AKAP6: variants seen among roughly 807,000 people sequenced by gnomAD.
AKAP6 encodes the protein A-kinase anchor protein 6.
A neutral mutation model predicts 188.5 loss-of-function variants in AKAP6; 58 were observed. That is an observed-to-expected ratio of 0.31 (90% CI 0.25 to 0.38). The LOEUF (loss-of-function observed/expected upper bound fraction) is 0.38, where lower values mean the gene tolerates loss of function less well. Among genes scored for constraint, AKAP6 ranks in the 10% least tolerant of loss-of-function variants. The pLI is 1.00. For synonymous variants in AKAP6, 989 were observed against 998.6 expected (o/e 0.99, Z 0.18); for missense variants, 2,710 against 2,740.0 (o/e 0.99, Z 0.24).
chr14:32,471,955 A>G (rs146590997), intron 2 of AKAP6, among the ~76,000 whole-genome samples: 48 of 152,362 alleles, frequency 3.2e-4, no homozygotes, highest in Admixed American at 1.6e-3. Context: ...TTCAGACTTC[A>G]GCACACAGAA....
At chr14:32,700,351 C>A (rs914525597) in intron 9 of AKAP6, among the ~76,000 whole-genome samples, 1 of 152,052 alleles carries the variant, frequency 6.6e-6, no homozygotes, top group Non-Finnish European at 1.5e-5. Flanking sequence ...TTTCAAGGGC[C>A]AAATTCAGAA....
intron 2 of AKAP6, among the ~76,000 whole-genome samples, chr14:32,505,533 A>T (rs1880827448): frequency 6.6e-6 from 1 of 152,190 alleles, no homozygotes; most frequent in Non-Finnish European, 1.5e-5. Context: ...TTAAACAAAG[A>T]CAGAAATAAG....
chr14:32,777,959 A>T (rs1323481644), intron 12 of AKAP6, among the ~76,000 whole-genome samples: 2 of 152,156 alleles, frequency 1.3e-5, no homozygotes, highest in Non-Finnish European at 2.9e-5. Context: ...GGATCACTTG[A>T]GCCTGGGAGG....
chr14:32,456,896 A>C (rs1203316142), intron 2 of AKAP6, among the ~76,000 whole-genome samples: 1 of 152,234 alleles, frequency 6.6e-6, no homozygotes, highest in Non-Finnish European at 1.5e-5. Flanking sequence ...AAAATCAATG[A>C]TCTTCAACTT....
At chr14:32,738,700 A>G (rs2143980) in intron 11 of AKAP6, among the ~76,000 whole-genome samples, 71,926 of 151,926 alleles carry the variant, frequency 0.47, 17,864 homozygotes, top group East Asian at 0.63. Flanking sequence ...GATTGTCTTT[A>G]AGTACAAATT....
intron 11 of AKAP6, among the ~76,000 whole-genome samples, chr14:32,748,665 T>TC (rs1288632968): frequency 6.6e-6 from 1 of 152,130 alleles, no homozygotes; most frequent in Non-Finnish European, 1.5e-5. Flanking sequence ...AGAACTTTTT[T>TC]CCCTCCCAAG....
chr14:32,478,737 A>G (rs1317864117), intron 2 of AKAP6, among the ~76,000 whole-genome samples: 1 of 152,178 alleles, frequency 6.6e-6, no homozygotes, highest in Non-Finnish European at 1.5e-5. Flanking sequence ...AAAGATGATT[A>G]TCACTCTTTT....
chr14:32,382,731 G>T (rs1888405183), intron 1 of AKAP6, among the ~76,000 whole-genome samples: 1 of 152,174 alleles, frequency 6.6e-6, no homozygotes, highest in South Asian at 2.1e-4. Flanking sequence ...GCCTGTGGTA[G>T]ATGGGGAGTG....
At chr14:32,560,266 G>A (rs905393746) in intron 4 of AKAP6, among the ~76,000 whole-genome samples, 1 of 152,144 alleles carries the variant, frequency 6.6e-6, no homozygotes, top group African/African-American at 2.4e-5. Flanking sequence ...GACAAAAACT[G>A]TATATTAACA....
rs750276568 is a variant in AKAP6, at chr14:32,823,974, G to C, written c.6161G>C (p.Cys2054Ser). The change falls in exon 13 of 14, where the codon TGT becomes TCT. Residue 2054 changes from cysteine (C) to serine (S), a missense_variant. Physicochemically the swap from Cys to Ser is moderately radical, Grantham distance 112. Transcript: ENST00000280979. ...TTCCATCAAAAAGATGCCGAAGATTGTTCAGTACACAACTTTGTTAAGGAA... is the reference window on the plus strand; with the variant it reads ...TTCCATCAAAAAGATGCCGAAGATTCTTCAGTACACAACTTTGTTAAGGAA... ...DVFHQKDAEDCSVHNFVKEII... is the reference protein window; with the variant it reads ...DVFHQKDAEDSSVHNFVKEII... 5 of 1,613,972 alleles carry C rather than the reference G, an allele frequency of 3.1e-6. No individual in the cohort carries two copies. The Middle Eastern group carries it at 5.0e-4, about 160-fold the overall frequency.
In AKAP6 at chr14:32,837,196, A is replaced by G. The variant is rs1396104137; in HGVS notation, c.*7391A>G. ...GTAGATTTGGTAATTTTTCCATACCATTAAGATGTATGATAATGGATTTTA... is the reference window on the plus strand; with the variant it reads ...GTAGATTTGGTAATTTTTCCATACCGTTAAGATGTATGATAATGGATTTTA... On this transcript the variant is annotated 3_prime_UTR_variant, in exon 14 of 14. Coordinates refer to ENST00000280979, the MANE Select transcript of AKAP6 (RefSeq NM_004274.5). 1 of 152,232 alleles carries G rather than the reference A, an allele frequency of 6.6e-6. No individual in the cohort carries two copies. Among genetic ancestry groups the G allele is most frequent in the Non-Finnish European group, 1.5e-5 (1 of 68,044 alleles). 9.4% of individuals were successfully genotyped at this position (152,232 alleles called of 1,614,324 possible). A position where few individuals can be genotyped will look rare whatever the true frequency, so the allele number is the denominator to read the frequency against.
In AKAP6 at chr14:32,735,666, A is replaced by G. The variant is rs1211053102; in HGVS notation, c.3156A>G (p.Leu1052=). 6.3e-7 allele frequency: 1 copy of G among 1,588,912 alleles called. No individual in the cohort carries two copies. Among genetic ancestry groups the G allele is most frequent in the Non-Finnish European group, 8.5e-7 (1 of 1,170,968 alleles). Residue 1052 remains leucine, a synonymous_variant, in exon 11 of 14, where the codon CTA becomes CTG. Coordinates refer to ENST00000280979, the MANE Select transcript of AKAP6 (RefSeq NM_004274.5). ...TTAATCTGATGCATTAGAAAACCCTAGGAGAGAAGATCCAGGACACAATGG... is the reference window on the plus strand; with the variant it reads ...TTAATCTGATGCATTAGAAAACCCTGGGAGAGAAGATCCAGGACACAATGG... ...NEKWELLGKT[L]GEKIQDTMAG...
At chr14:32,463,340 A>G (rs1891416804) in intron 2 of AKAP6, among the ~76,000 whole-genome samples, 1 of 152,228 alleles carries the variant, frequency 6.6e-6, no homozygotes, top group Non-Finnish European at 1.5e-5. Context: ...AATCAACCGC[A>G]TAACTGGAAG....
chr14:32,672,725 A>C (rs1434012336), intron 7 of AKAP6, among the ~76,000 whole-genome samples: 1 of 152,188 alleles, frequency 6.6e-6, no homozygotes, highest in Non-Finnish European at 1.5e-5. Context: ...AGTTTACCAG[A>C]GGTACTAGTT....
chr14:32,460,426 A>G (rs1891283059), intron 2 of AKAP6, among the ~76,000 whole-genome samples: 1 of 152,208 alleles, frequency 6.6e-6, no homozygotes, highest in African/African-American at 2.4e-5. Context: ...GGTCCAACCC[A>G]CAGAGGGTGA....
chr14:32,576,028 G>A (rs1229455971), intron 4 of AKAP6, among the ~76,000 whole-genome samples: 2 of 151,906 alleles, frequency 1.3e-5, no homozygotes, highest in African/African-American at 4.8e-5. Flanking sequence ...TGAATTAAAG[G>A]TTTATGAATC....
At position 32,343,728 on chromosome 14, in the gene AKAP6, C is replaced by A. The variant is rs191504129; in HGVS notation, c.-35+14320C>A. On this transcript the variant is annotated intron_variant, in intron 1 of 13. Coordinates refer to ENST00000280979, the MANE Select transcript of AKAP6 (RefSeq NM_004274.5). Reference sequence around the variant, plus strand: ...GTGCCATGCACTCCAGCCTGAGCAACAGAGCAAGATTCCGTCTCAAAAAAA... The same window carrying A: ...GTGCCATGCACTCCAGCCTGAGCAAAAGAGCAAGATTCCGTCTCAAAAAAA... 1.7e-3 allele frequency among the ~76,000 whole-genome samples: 171 copies of A among 101,396 alleles called. 1 individual carries two copies. Among genetic ancestry groups the A allele is most frequent in the Middle Eastern group, 0.012 (1 of 82 alleles). 66.5% of individuals were successfully genotyped at this position (101,396 alleles called of 152,430 possible).
chr14:32,429,844 T>C (rs977375179), intron 1 of AKAP6, among the ~76,000 whole-genome samples: 1 of 152,256 alleles, frequency 6.6e-6, no homozygotes, highest in Non-Finnish European at 1.5e-5. Flanking sequence ...GAATGTAAGA[T>C]TTCTTTGTAC....
At chr14:32,586,047 G>A (rs1199404578) in intron 5 of AKAP6, among the ~76,000 whole-genome samples, 1 of 152,186 alleles carries the variant, frequency 6.6e-6, no homozygotes, top group Non-Finnish European at 1.5e-5. Context: ...TTTGATGGGG[G>A]TAGGGTCAGC....
Sources: allele counts gnomAD v4.1 joint callset (sites outside exome capture counted in the v4.1 genomes callset), GRCh38; gene constraint gnomAD v4.1.1; transcripts MANE v1.5; gene names NCBI Gene and HGNC (gene_info 2026-07-23, HGNC 2026-07-21).